The following ERC2 variants were observed in gnomAD, a reference collection of about 807,000 sequenced individuals.
ERC2 encodes the protein ELKS/RAB6-interacting/CAST family member 2.
In ERC2, 42 loss-of-function variants were observed where a neutral mutation model predicts 114.8. The observed-to-expected ratio is 0.37, with a 90% confidence interval of 0.29 to 0.47. The LOEUF is 0.47. Among genes scored for constraint, ERC2 ranks in the 20% least tolerant of loss-of-function variants. The probability of loss-of-function intolerance (pLI) is 0.99; values close to 1 mark genes in which losing one functional copy is unlikely to be tolerated. For synonymous variants in ERC2, 454 were observed against 425.5 expected (o/e 1.07, Z -0.82); for missense variants, 939 against 1,150.7 (o/e 0.82, Z 2.66).
At chr3:56,190,051 A>G (rs1037383464) in intron 3 of ERC2, among the ~76,000 whole-genome samples, 2 of 152,224 alleles carry the variant, frequency 1.3e-5, no homozygotes, top group African/African-American at 4.8e-5. Flanking sequence ...CCAGGCCTCA[A>G]GTATGAGGCT....
chr3:55,843,935 A>G (rs765395060), intron 14 of ERC2, among the ~76,000 whole-genome samples: 42 of 152,232 alleles, frequency 2.8e-4, no homozygotes, highest in Non-Finnish European at 5.0e-4. Flanking sequence ...GGAATGAGAC[A>G]AGGATTGGGC....
intron 3 of ERC2, among the ~76,000 whole-genome samples, chr3:56,182,793 T>A (rs2083358367): frequency 6.6e-6 from 1 of 152,246 alleles, no homozygotes; most frequent in Non-Finnish European, 1.5e-5. Flanking sequence ...TCTTTCATTA[T>A]AGGCACTTCC....
chr3:55,810,923 A>G (rs1473410118), intron 14 of ERC2, among the ~76,000 whole-genome samples: 1 of 152,172 alleles, frequency 6.6e-6, no homozygotes, highest in East Asian at 1.9e-4. Context: ...TCTGTCTAGT[A>G]GTTTCCACAG....
chr3:56,258,458 C>T (rs925718324), intron 3 of ERC2, among the ~76,000 whole-genome samples: 1 of 151,958 alleles, frequency 6.6e-6, no homozygotes, highest in Admixed American at 6.6e-5. Flanking sequence ...GAGATTGAGA[C>T]CATCCTGTGA....
rs771441658 is a variant in ERC2 at position 56,296,400 on chromosome 3, C to G, written c.693G>C (p.Glu231Asp). 1 of 1,613,904 alleles carries G rather than the reference C, an allele frequency of 6.2e-7. No individual in the cohort carries two copies. Among genetic ancestry groups the G allele is most frequent in the Non-Finnish European group, 8.5e-7 (1 of 1,179,850 alleles). The change falls in exon 3 of 18, where the codon GAG (glutamate) becomes GAC (aspartate). Residue 231 changes from glutamate (E) to aspartate (D), a missense_variant. Physicochemically the swap from Glu to Asp is conservative, Grantham distance 45. Transcript: ENST00000288221. ...GGTTGAGGTCTCTCTGGGTTCGCAG[C>G]TCATCTTGAAGGGCCTGGATTGTCA... ...LQLTIQALQD[E>D]LRTQRDLNHL...
chr3:55,570,407 A>C (rs75947505), intron 17 of ERC2, among the ~76,000 whole-genome samples: 34 of 152,222 alleles, frequency 2.2e-4, no homozygotes, highest in African/African-American at 7.9e-4. Flanking sequence ...TCTTATCTCC[A>C]TGGTTGGAGT....
chr3:56,104,437 T>C (rs892277276), intron 6 of ERC2, among the ~76,000 whole-genome samples: 3 of 152,198 alleles, frequency 2.0e-5, no homozygotes, highest in Non-Finnish European at 4.4e-5. Flanking sequence ...CCTATAAACA[T>C]TTCACCTCTA....
At chr3:56,148,852 G>T in intron 5 of ERC2, 125 bp downstream of exon 5, 1 of 832,850 alleles carries the variant, frequency 1.2e-6, no homozygotes, top group Non-Finnish European at 1.8e-6. Flanking sequence ...ATTCTACTTT[G>T]TTGTCCATAT....
chr3:55,870,369 C>A (rs528186296), intron 14 of ERC2, among the ~76,000 whole-genome samples: 1 of 152,316 alleles, frequency 6.6e-6, no homozygotes, highest in African/African-American at 2.4e-5. Context: ...GCCACCATAC[C>A]CGGCAGGGTA....
intron 2 of ERC2, among the ~76,000 whole-genome samples, chr3:56,431,286 C>A (rs1489410240): frequency 6.6e-6 from 1 of 152,168 alleles, no homozygotes; most frequent in Non-Finnish European, 1.5e-5. Flanking sequence ...TGGTAGTAAT[C>A]CACCATATAT....
At chr3:55,571,887 T>C (rs760405195) in intron 17 of ERC2, among the ~76,000 whole-genome samples, 11 of 152,200 alleles carry the variant, frequency 7.2e-5, no homozygotes, top group Non-Finnish European at 1.5e-4. Flanking sequence ...TCCTTAAATG[T>C]AAAAGTCCAC....
chr3:56,221,163 A>T (rs1370047070), intron 3 of ERC2, among the ~76,000 whole-genome samples: 1 of 151,810 alleles, frequency 6.6e-6, no homozygotes, highest in African/African-American at 2.4e-5. Context: ...AAAATTGAAA[A>T]TTTTCAAATT....
At chr3:55,864,627 C>A (rs1056910580) in intron 14 of ERC2, among the ~76,000 whole-genome samples, 1 of 152,116 alleles carries the variant, frequency 6.6e-6, no homozygotes, top group Non-Finnish European at 1.5e-5. Flanking sequence ...AAGGCACTGG[C>A]CAATGATAGG....
At chr3:56,011,134 C>G (rs1197174238) in intron 8 of ERC2, among the ~76,000 whole-genome samples, 1 of 152,244 alleles carries the variant, frequency 6.6e-6, no homozygotes, top group Non-Finnish European at 1.5e-5. Context: ...GACAAAGAAT[C>G]AGTCCATTGT....
chr3:55,661,703 C>T (rs1258792149), intron 17 of ERC2, among the ~76,000 whole-genome samples: 2 of 152,166 alleles, frequency 1.3e-5, no homozygotes, highest in Non-Finnish European at 2.9e-5. Context: ...TTCTGCCTAT[C>T]ACATCTTATT....
rs1408861453 is a variant in ERC2 at position 56,384,162 on chromosome 3, A to C, written c.657+50189T>G. ...CATGGTGAATAATGCTGCTATGAACATGGGTGTACAAATATCTGTTTGAGT... is the reference window on the plus strand; with the variant it reads ...CATGGTGAATAATGCTGCTATGAACCTGGGTGTACAAATATCTGTTTGAGT... On this transcript the variant is annotated intron_variant, in intron 2 of 17. Transcript: ENST00000288221. Among the ~76,000 whole-genome samples, 7 of 152,280 alleles carry C rather than the reference A, an allele frequency of 4.6e-5. No homozygotes were observed. The East Asian group carries it at 1.3e-3, about 29-fold the overall frequency.
intron 3 of ERC2, among the ~76,000 whole-genome samples, chr3:56,255,279 A>G (rs1576110340): frequency 6.6e-6 from 1 of 152,170 alleles, no homozygotes; most frequent in Admixed American, 6.5e-5. Flanking sequence ...TCTGGCATCA[A>G]CTACTTAAGG....
intron 14 of ERC2, among the ~76,000 whole-genome samples, chr3:55,743,264 G>A (rs912415170): frequency 2.7e-5 from 4 of 148,402 alleles, no homozygotes; most frequent in Non-Finnish European, 4.5e-5. Flanking sequence ...CCCATCCGGC[G>A]GTTCCTCCAG....
At chr3:55,740,908 C>T (rs1489259225) in intron 14 of ERC2, among the ~76,000 whole-genome samples, 2 of 152,132 alleles carry the variant, frequency 1.3e-5, no homozygotes, top group Non-Finnish European at 2.9e-5. Context: ...AAAGACAATG[C>T]TCATTGCAGC....
Sources: gnomAD v4.1 joint callset for allele counts (sites outside exome capture counted in the v4.1 genomes callset) on GRCh38, gnomAD v4.1.1 for gene constraint, MANE v1.5 for transcripts, NCBI Gene and HGNC (gene_info 2026-07-23, HGNC 2026-07-21) for gene names.